The following MTRF1L variants were observed in gnomAD, a reference collection of about 807,000 sequenced individuals.
MTRF1L encodes mitochondrial translation release factor 1 like, also known as peptide chain release factor 1-like, mitochondrial.
In MTRF1L, 29 loss-of-function variants were observed where a neutral mutation model predicts 40.0. That is an observed-to-expected ratio of 0.73 (90% CI 0.54 to 0.99). The LOEUF (loss-of-function observed/expected upper bound fraction) is 0.99, where lower values mean the gene tolerates loss of function less well. MTRF1L is among the 50% of genes least tolerant of loss of function. The probability of loss-of-function intolerance (pLI) is 0.00; values close to 1 mark genes in which losing one functional copy is unlikely to be tolerated. For synonymous variants in MTRF1L, 150 were observed against 175.8 expected (o/e 0.85, Z 1.16); for missense variants, 412 against 464.5 (o/e 0.89, Z 1.04).
At position 152,991,337 on chromosome 6, in the gene MTRF1L, A is replaced by G. The variant is rs1429896789; in HGVS notation, c.806-16T>C. 1 of 1,556,046 alleles carries G rather than the reference A, an allele frequency of 6.4e-7. No individual in the cohort carries two copies. The highest frequency in any genetic ancestry group is 8.7e-7 in the Non-Finnish European group (1 of 1,153,728). On this transcript the variant is annotated splice_polypyrimidine_tract_variant and intron_variant, in intron 5 of 6. Coordinates refer to ENST00000367233, the MANE Select transcript of MTRF1L (RefSeq NM_019041.7). Reference sequence around the variant, plus strand: ...GAAACAACACCTGAATAGTGTTACGAGAATTAAAAAGTTTTAATAAAAAAA... The same window carrying G: ...GAAACAACACCTGAATAGTGTTACGGGAATTAAAAAGTTTTAATAAAAAAA...
chr6:152,990,727 A>G lies in MTRF1L; in HGVS notation c.942+458T>C, dbSNP rs1190468539. ...TAATCCCAGCTACTCAGGAGGCTGC[A>G]GCAGGAGAATTGCTTGAACCCAGGG... On this transcript the variant is annotated intron_variant, in intron 6 of 6. Coordinates refer to ENST00000367233, the MANE Select transcript of MTRF1L (RefSeq NM_019041.7). Among the ~76,000 whole-genome samples, 3 of 152,232 alleles carry G rather than the reference A, an allele frequency of 2.0e-5. No homozygotes were observed. In the East Asian group the frequency reaches 5.8e-4, roughly 29 times the overall value.
chr6:152,999,992 G>C (rs1778855759), intron 1 of MTRF1L, among the ~76,000 whole-genome samples: 1 of 152,226 alleles, frequency 6.6e-6, no homozygotes, highest in Non-Finnish European at 1.5e-5. Flanking sequence ...ACTGAGATAA[G>C]CAAGTACAGG....
rs1466952913 is a variant in MTRF1L at position 153,002,693 on chromosome 6, C to G, written c.-8G>C. 4 of 1,474,452 alleles carry G rather than the reference C, an allele frequency of 2.7e-6. No individual in the cohort carries two copies. Among genetic ancestry groups the G allele is most frequent in the Non-Finnish European group, 3.6e-6 (4 of 1,117,902 alleles). 91.3% of individuals were successfully genotyped at this position (1,474,452 alleles called of 1,614,324 possible). ...CAGAACCCGGGACCGCATCCTTAGT[C>G]CGAGATCGCGGACCCTGACCGGAAC... On this transcript the variant is annotated 5_prime_UTR_variant, in exon 1 of 7. Transcript: ENST00000367233.
chr6:152,995,991 G>A (rs1391150454), intron 2 of MTRF1L, among the ~76,000 whole-genome samples: 1 of 152,112 alleles, frequency 6.6e-6, no homozygotes, highest in African/African-American at 2.4e-5. Context: ...AGGGGATCTA[G>A]AACAAACACT....
At chr6:152,999,373 C>G (rs1418676908) in intron 1 of MTRF1L, among the ~76,000 whole-genome samples, 1 of 152,156 alleles carries the variant, frequency 6.6e-6, no homozygotes, top group African/African-American at 2.4e-5. Context: ...AGTTTGTATG[C>G]TTATCTATTA....
intron 1 of MTRF1L, among the ~76,000 whole-genome samples, chr6:153,002,085 A>G (rs1778937374): frequency 6.6e-6 from 1 of 152,214 alleles, no homozygotes; most frequent in African/African-American, 2.4e-5. Context: ...CTGCCCTGAT[A>G]CTACTGCAAA....
rs1004064425 is a variant in MTRF1L at position 153,002,551 on chromosome 6, G to A, written c.135C>T (p.Thr45=). The A allele has an allele frequency of 1.3e-6, 2 of 1,591,378 alleles. No individual in the cohort carries two copies. The highest frequency in any genetic ancestry group is 1.7e-6 in the Non-Finnish European group (2 of 1,170,214). The change falls in exon 1 of 7, where the codon ACC becomes ACT. Residue 45 remains threonine (T), a synonymous_variant. Transcript: ENST00000367233. The part of the protein sequence containing the change: ...ELFTRGGPLR[T]FLERQAGSEA... ...CAGACCCCGCCTGGCGCTCGAGGAA[G>A]GTCCGCAAGGGCCCGCCCCGGGTGA...
chr6:152,994,488 C>G (rs1394489306), intron 4 of MTRF1L, 25 bp downstream of exon 4: 1 of 1,583,438 alleles, frequency 6.3e-7, no homozygotes, highest in Admixed American at 1.8e-5. Context: ...GCCCGGGATT[C>G]CAAGGAGAGG....
At chr6:152,992,051 T>C (rs1424519812) in intron 5 of MTRF1L, among the ~76,000 whole-genome samples, 1 of 152,220 alleles carries the variant, frequency 6.6e-6, no homozygotes, top group African/African-American at 2.4e-5. Context: ...AATTTTTGTT[T>C]CATATTCTGT....
chr6:152,994,926 A>C (rs1778663469), intron 3 of MTRF1L: 1 of 708,632 alleles, frequency 1.4e-6, no homozygotes, highest in Non-Finnish European at 2.3e-6. Flanking sequence ...AAAGACTGTT[A>C]GCAATTTGAT....
At chr6:152,993,709 C>G (rs1778613991) in intron 4 of MTRF1L, among the ~76,000 whole-genome samples, 1 of 152,124 alleles carries the variant, frequency 6.6e-6, no homozygotes, top group Non-Finnish European at 1.5e-5. Context: ...AAACTTCCAC[C>G]CCAAGATGGT....
chr6:152,999,413 TACATATA>T (rs1562304602), intron 1 of MTRF1L, among the ~76,000 whole-genome samples: 1 of 152,190 alleles, frequency 6.6e-6, no homozygotes, highest in African/African-American at 2.4e-5. Flanking sequence ...AGTGGGATAA[TACATATA>T]TAAGACCTGC....
intron 2 of MTRF1L, among the ~76,000 whole-genome samples, chr6:152,996,258 C>T (rs1244197946): frequency 1.3e-5 from 2 of 152,170 alleles, no homozygotes; most frequent in African/African-American, 2.4e-5. Flanking sequence ...TGCTATCACA[C>T]TTGACATTGG....
rs1427071214 is a variant in MTRF1L, at chr6:153,002,480, T to G, written c.206A>C (p.Lys69Thr). The G allele has an allele frequency of 1.2e-6, 2 of 1,613,820 alleles. No individual in the cohort carries two copies. The highest frequency in any genetic ancestry group is 2.2e-5 in the East Asian group (1 of 44,868). Residue 69 changes from lysine (K) to threonine (T), a missense_variant, in exon 1 of 7, where the codon AAA (lysine) becomes ACA (threonine). Transcript: ENST00000367233. ...CTCCCGCTCCTTCTCGTTCAGCAGT[T>G]TGATCACCGCCAGCAACTCGGGCCT... ...VRRPELLAVI[K>T]LLNEKERELR...
chr6:153,002,702 C>T lies in MTRF1L; in HGVS notation c.-17G>A, dbSNP rs534540886. Reference sequence around the variant, plus strand: ...GGACCGCATCCTTAGTCCGAGATCGCGGACCCTGACCGGAACCGGAAGTTC... The same window carrying T: ...GGACCGCATCCTTAGTCCGAGATCGTGGACCCTGACCGGAACCGGAAGTTC... On this transcript the variant is annotated 5_prime_UTR_variant, in exon 1 of 7. Transcript: ENST00000367233. The T allele has an allele frequency of 1.0e-4, 152 of 1,468,186 alleles. 1 individual carries two copies. The South Asian group carries it at 1.8e-3, about 17-fold the overall frequency. The allele number at this position is 1,468,186 out of a possible 1,614,324, so 90.9% of individuals were successfully genotyped here.
At chr6:152,994,744 TCTA>T (rs1281350064) in intron 3 of MTRF1L, 68 bp from the exon 4 acceptor site, 1 of 1,564,018 alleles carries the variant, frequency 6.4e-7, no homozygotes, top group African/African-American at 1.4e-5. Context: ...GACCATCACA[TCTA>T]CTATCTTGAG....
intron 5 of MTRF1L, 43 bp from the exon 6 acceptor site, chr6:152,991,364 CTTCTT>C (rs748906867): frequency 2.4e-5 from 36 of 1,513,424 alleles, no homozygotes; most frequent in Non-Finnish European, 3.1e-5. Context: ...ATAAAAAAAT[CTTCTT>C]TACTTATTAT....
chr6:152,999,663 A>T, intron 1 of MTRF1L, among the ~76,000 whole-genome samples: 1 of 152,178 alleles, frequency 6.6e-6, no homozygotes. Context: ...AATAAGTCTT[A>T]CAAGATCTGA....
intron 4 of MTRF1L, among the ~76,000 whole-genome samples, chr6:152,993,378 G>T (rs756165494): frequency 1.7e-4 from 25 of 150,500 alleles, no homozygotes; most frequent in Non-Finnish European, 3.7e-4. Context: ...CTGTGGGAAG[G>T]GTCTGTTTTG....
Sources: allele counts gnomAD v4.1 joint callset (sites outside exome capture counted in the v4.1 genomes callset), GRCh38; gene constraint gnomAD v4.1.1; transcripts MANE v1.5; gene names NCBI Gene and HGNC (gene_info 2026-07-23, HGNC 2026-07-21).